Variants in NOSTRIN observed in about 807,000 individuals in gnomAD.
The protein encoded by NOSTRIN is nitric oxide synthase trafficking.
A neutral mutation model predicts 59.0 loss-of-function variants in NOSTRIN; 63 were observed. The ratio of observed to expected loss-of-function variants is 1.07; its 90% CI spans 0.87 to 1.32. The LOEUF is 1.32. Among genes scored for constraint, NOSTRIN ranks in the 40% most tolerant of loss-of-function variants. NOSTRIN has a pLI of 0.00. For synonymous variants in NOSTRIN, 200 were observed against 165.4 expected, an observed-to-expected ratio of 1.21 and a Z score of -1.61; for missense variants, 512 against 473.1, an observed-to-expected ratio of 1.08 and a Z score of -0.76.
At chr2:168,837,973 T>A (rs28649748) in intron 7 of NOSTRIN, among the ~76,000 whole-genome samples, 268 of 152,334 alleles carry the variant, frequency 1.8e-3, no homozygotes, top group African/African-American at 6.0e-3. Context: ...AAGATTTCTC[T>A]TCTGGGCCTC....
intron 11 of NOSTRIN, 117 bp from the exon 12 acceptor site, chr2:168,856,573 T>TA: frequency 1.2e-6 from 1 of 815,818 alleles, no homozygotes; most frequent in Non-Finnish European, 1.9e-6. Context: ...AGACTCCGTC[T>TA]TAAAAAAAAA....
At chr2:168,824,570 A>G in intron 2 of NOSTRIN, 64 bp from the exon 3 acceptor site, 1 of 828,160 alleles carries the variant, frequency 1.2e-6, no homozygotes, top group Non-Finnish European at 2.1e-6. Flanking sequence ...AAGTGCTGGG[A>G]TTATAGGTGT....
At chr2:168,834,499 G>GTGCACACACA (rs1553527053) in intron 7 of NOSTRIN, among the ~76,000 whole-genome samples, 174 bp downstream of exon 7, 1 of 28,574 alleles carries the variant, frequency 3.5e-5, no homozygotes, top group African/African-American at 8.4e-5. Context: ...GTGCGCGCGC[G>GTGCACACACA]CGCGCGCGCA....
chr2:168,827,141 C>T (rs950161753), intron 3 of NOSTRIN, among the ~76,000 whole-genome samples: 2 of 151,044 alleles, frequency 1.3e-5, no homozygotes, highest in African/African-American at 2.4e-5. Flanking sequence ...AGATCCACCC[C>T]CTTCCTCTTC....
chr2:168,837,732 G>T (rs555528154), intron 7 of NOSTRIN, among the ~76,000 whole-genome samples: 2 of 151,982 alleles, frequency 1.3e-5, no homozygotes, highest in Non-Finnish European at 2.9e-5. Context: ...TCTTGCCATC[G>T]AAAACAATGT....
upstream of NOSTRIN, chr2:168,802,447 A>T: frequency 1.8e-6 from 1 of 559,290 alleles, no homozygotes; most frequent in Non-Finnish European, 3.3e-6. Flanking sequence ...GGCCGTCTTG[A>T]CCCAGAGCAG....
chr2:168,787,708 C>G (rs1574243193), intron 1 of NOSTRIN, among the ~76,000 whole-genome samples: 1 of 152,202 alleles, frequency 6.6e-6, no homozygotes, highest in South Asian at 2.1e-4. Flanking sequence ...TGAGAAGATG[C>G]CTCAGTTTTT....
intron 1 of NOSTRIN, among the ~76,000 whole-genome samples, chr2:168,809,548 G>C (rs914985146): frequency 6.6e-6 from 1 of 152,064 alleles, no homozygotes; most frequent in African/African-American, 2.4e-5. Context: ...GAGAAATCTA[G>C]TGGAAATGTT....
intron 1 of NOSTRIN, among the ~76,000 whole-genome samples, chr2:168,803,619 T>C (rs1228959178): frequency 6.6e-6 from 1 of 152,116 alleles, no homozygotes; most frequent in African/African-American, 2.4e-5. Context: ...TTGCAGAAAA[T>C]CAGATGAGCT....
intron 1 of NOSTRIN, among the ~76,000 whole-genome samples, chr2:168,809,980 T>C (rs548461631): frequency 5.8e-4 from 88 of 152,134 alleles, no homozygotes; most frequent in African/African-American, 2.0e-3. Flanking sequence ...TAAAAAAAAA[T>C]CATGTTTCGG....
At chr2:168,829,249 TTTTC>T (rs1245992901) in intron 5 of NOSTRIN, among the ~76,000 whole-genome samples, 1 of 151,962 alleles carries the variant, frequency 6.6e-6, no homozygotes, top group East Asian at 1.9e-4. Flanking sequence ...CTAGAACAGT[TTTTC>T]TTTCTTTCCT....
At chr2:168,861,929 A>G in intron 14 of NOSTRIN, 31 bp from the exon 15 acceptor site, 1 of 1,600,158 alleles carries the variant, frequency 6.2e-7, no homozygotes, top group South Asian at 1.1e-5. Context: ...CTGCTAACAC[A>G]GCATACTAAT....
intron 7 of NOSTRIN, among the ~76,000 whole-genome samples, chr2:168,838,184 T>C (rs1047389552): frequency 1.3e-5 from 2 of 152,328 alleles, no homozygotes; most frequent in African/African-American, 4.8e-5. Flanking sequence ...ATATCCAAAA[T>C]CCAACCATCA....
At chr2:168,857,101 A>C (rs755753145) in intron 12 of NOSTRIN, among the ~76,000 whole-genome samples, 3 of 152,236 alleles carry the variant, frequency 2.0e-5, no homozygotes, top group Non-Finnish European at 4.4e-5. Flanking sequence ...AAGGATCTGC[A>C]TTCAGAAAGG....
At chr2:168,799,285 T>G (rs1446784911), upstream of NOSTRIN, among the ~76,000 whole-genome samples, 1 of 152,194 alleles carries the variant, frequency 6.6e-6, no homozygotes, top group African/African-American at 2.4e-5. Context: ...TGTTCTTTCC[T>G]TTAGGTTCAC....
At chr2:168,861,808 G>T in intron 14 of NOSTRIN, 152 bp from the exon 15 acceptor site, 1 of 660,162 alleles carries the variant, frequency 1.5e-6, no homozygotes. Flanking sequence ...TTGAATCAAG[G>T]AATGAACATT....
At chr2:168,850,597 T>A (rs73969985) in intron 8 of NOSTRIN, among the ~76,000 whole-genome samples, 2,297 of 121,066 alleles carry the variant, frequency 0.019, 54 homozygotes, top group African/African-American at 0.087. Context: ...TTCTTCCCAA[T>A]TTTTTTTTTT....
At position 168,843,118 on chromosome 2, in the gene NOSTRIN, G is replaced by A. The variant is rs1225251622; in HGVS notation, c.630+1G>A. ...AAACACACTAGAGAACTGCTACCAG[G>A]TAAGTTATATATTCACATTTTTTTC... is the stretch of plus-strand genomic sequence containing the variant. On this transcript the variant is annotated splice_donor_variant, in intron 8 of 15. Transcript: ENST00000317647. LOFTEE classifies it high-confidence loss of function. The A allele has an allele frequency of 2.3e-6, 2 of 868,662 alleles. No homozygotes were observed. Among genetic ancestry groups the A allele is most frequent in the Non-Finnish European group, 4.0e-6 (2 of 500,238 alleles). The allele number at this position is 868,662 out of a possible 1,614,324, so 53.8% of individuals were successfully genotyped here.
intron 6 of NOSTRIN, among the ~76,000 whole-genome samples, chr2:168,832,069 C>A (rs1437075064): frequency 3.3e-5 from 5 of 151,912 alleles, no homozygotes. Flanking sequence ...TGAGAGTGGC[C>A]CAGTGAGGGG....
Sources: allele counts gnomAD v4.1 joint callset (sites outside exome capture counted in the v4.1 genomes callset), GRCh38; gene constraint gnomAD v4.1.1; transcripts MANE v1.5; gene names NCBI Gene and HGNC (gene_info 2026-07-23, HGNC 2026-07-21).